ANKRD33B: variants seen among roughly 807,000 people sequenced by gnomAD.
ANKRD33B encodes ankyrin repeat domain-containing protein 33B.
Under a neutral mutation model 21.5 loss-of-function variants are expected in ANKRD33B, and 6 were observed. That is an observed-to-expected ratio of 0.28 (90% confidence interval 0.15 to 0.55). The LOEUF (loss-of-function observed/expected upper bound fraction) is 0.55, where lower values mean the gene tolerates loss of function less well. Ranked by LOEUF, ANKRD33B falls within the 20% of genes least tolerant of loss-of-function variation. The pLI is 0.94. For synonymous variants in ANKRD33B, 347 were observed against 342.4 expected (o/e 1.01, Z -0.15); for missense variants, 698 against 747.2 (o/e 0.93, Z 0.77).
chr5:10,632,141 G>A (rs1736734740), intron 2 of ANKRD33B, among the ~76,000 whole-genome samples: 1 of 151,966 alleles, frequency 6.6e-6, no homozygotes, highest in East Asian at 1.9e-4. Flanking sequence ...TCCGTTGGAT[G>A]GCTCAGGATT....
Position 10,638,141 on chromosome 5 carries a change from G to T in ANKRD33B, c.610G>T (p.Asp204Tyr). 1 of 1,537,392 alleles carries T rather than the reference G, an allele frequency of 6.5e-7. No individual in the cohort carries two copies. Among genetic ancestry groups the T allele is most frequent in the Non-Finnish European group, 8.7e-7 (1 of 1,146,918 alleles). The change falls in exon 3 of 4, where the codon GAC becomes TAC. Residue 204 changes from aspartate to tyrosine, a missense_variant. Transcript: ENST00000296657. ...LMKAAMQGRT[D>Y]CIRALMLAGA... ...GAAAGCCGCCATGCAGGGTCGAACG[G>T]ACTGCATCCGAGCCCTGATGCTAGC...
chr5:10,593,311 G>T (rs1735738503), intron 1 of ANKRD33B, among the ~76,000 whole-genome samples: 1 of 151,674 alleles, frequency 6.6e-6, no homozygotes, highest in South Asian at 2.1e-4. Flanking sequence ...TTTTTTTAAA[G>T]CATTAGCTAT....
At chr5:10,585,284 T>C (rs1179661283) in intron 1 of ANKRD33B, among the ~76,000 whole-genome samples, 1 of 152,222 alleles carries the variant, frequency 6.6e-6, no homozygotes, top group Non-Finnish European at 1.5e-5. Context: ...CTTACTTAGA[T>C]CAATGCCTTT....
chr5:10,578,578 G>A (rs2126550447), intron 1 of ANKRD33B, among the ~76,000 whole-genome samples: 1 of 152,244 alleles, frequency 6.6e-6, no homozygotes, highest in South Asian at 2.1e-4. Flanking sequence ...GATCAGAGAG[G>A]GCCCATGGGG....
In ANKRD33B at chr5:10,652,229, C is replaced by T. The variant is rs762145089; in HGVS notation, c.*2116C>T. ...GCCATGTGGTCTCCCAGGCACGCTTCTCAACACCGGCTACCCCTGCTGTGA... is the reference window on the plus strand; with the variant it reads ...GCCATGTGGTCTCCCAGGCACGCTTTTCAACACCGGCTACCCCTGCTGTGA... On this transcript the variant is annotated 3_prime_UTR_variant, in exon 4 of 4. Transcript: ENST00000296657. The surrounding 1 kb of genome is among the most constrained non-coding windows in gnomAD (Gnocchi z 4.1). 4.6e-5 allele frequency: 7 copies of T among 152,510 alleles called. No individual in the cohort carries two copies. The highest frequency in any genetic ancestry group is 1.0e-4 in the Non-Finnish European group (7 of 68,104). The allele number at this position is 152,510 out of a possible 1,614,324, so 9.4% of individuals were successfully genotyped here. A position where few individuals can be genotyped will look rare whatever the true frequency, so the allele number is the denominator to read the frequency against.
intron 1 of ANKRD33B, among the ~76,000 whole-genome samples, chr5:10,578,113 A>T (rs1735365278): frequency 6.6e-6 from 1 of 152,230 alleles, no homozygotes; most frequent in Non-Finnish European, 1.5e-5. Context: ...ACACACTGTG[A>T]TGGGTGGAAG....
intron 1 of ANKRD33B, among the ~76,000 whole-genome samples, chr5:10,575,978 T>TACACACAC (rs60058725): frequency 7.0e-4 from 105 of 150,068 alleles, no homozygotes; most frequent in African/African-American, 1.8e-3. Context: ...GATGGACGTA[T>TACACACAC]ACACACACAC....
At position 10,564,412 on chromosome 5, in the gene ANKRD33B, G is replaced by A; in HGVS notation, c.-56G>A. On this transcript the variant is annotated 5_prime_UTR_variant, in exon 1 of 4. Transcript: ENST00000296657. ...AAGCGGGGACCTCGGCGCGCGCCCC[G>A]CGTCCCGCTCTTCCTGCCCGCGCCC... is the stretch of plus-strand genomic sequence containing the variant. 1 of 1,012,996 alleles carries A rather than the reference G, an allele frequency of 9.9e-7. No homozygotes were observed. The highest frequency in any genetic ancestry group is 4.8e-4 in the Middle Eastern group (1 of 2,076). The allele number at this position is 1,012,996 out of a possible 1,614,324, so 62.8% of individuals were successfully genotyped here.
intron 1 of ANKRD33B, among the ~76,000 whole-genome samples, chr5:10,613,515 T>C (rs1047484989): frequency 1.3e-5 from 2 of 151,092 alleles, no homozygotes; most frequent in African/African-American, 4.9e-5. Flanking sequence ...GAGGATGTTA[T>C]TAATGTAAAC....
chr5:10,603,161 G>A (rs1395774735), intron 1 of ANKRD33B, among the ~76,000 whole-genome samples: 1 of 152,052 alleles, frequency 6.6e-6, no homozygotes, highest in Non-Finnish European at 1.5e-5. Flanking sequence ...AAGGATGGGA[G>A]GCAGCTTTCT....
Position 10,564,434 on chromosome 5 carries a change from G to GCCCCGGC in ANKRD33B, c.-24_-18dup. The GCCCCGGC allele has an allele frequency of 9.5e-7, 1 of 1,051,108 alleles. No individual in the cohort carries two copies. The highest frequency in any genetic ancestry group is 1.1e-6 in the Non-Finnish European group (1 of 874,154). The allele number at this position is 1,051,108 out of a possible 1,614,324, so 65.1% of individuals were successfully genotyped here. A position where few individuals can be genotyped will look rare whatever the true frequency, so the allele number is the denominator to read the frequency against. ...CCCGCGTCCCGCTCTTCCTGCCCGC[G>GCCCCGGC]CCCCGGCCCCCGGCCCGCGCCCCGG... On this transcript the variant is annotated 5_prime_UTR_variant, in exon 1 of 4. Coordinates refer to ENST00000296657, the MANE Select transcript of ANKRD33B (RefSeq NM_001164440.2).
At chr5:10,613,099 G>A (rs528781202) in intron 1 of ANKRD33B, among the ~76,000 whole-genome samples, 2 of 152,200 alleles carry the variant, frequency 1.3e-5, no homozygotes, top group Admixed American at 6.5e-5. Context: ...TAGGCCCCAC[G>A]TGGCTCTGGG....
At chr5:10,583,637 A>T (rs540714421) in intron 1 of ANKRD33B, among the ~76,000 whole-genome samples, 1 of 152,270 alleles carries the variant, frequency 6.6e-6, no homozygotes, top group South Asian at 2.1e-4. Flanking sequence ...ACCTGGAAGG[A>T]TCTGTGGTAT....
intron 1 of ANKRD33B, among the ~76,000 whole-genome samples, chr5:10,596,888 A>G (rs1735830177): frequency 2.6e-5 from 4 of 152,144 alleles, no homozygotes; most frequent in Admixed American, 6.5e-5. Context: ...TTGGGGGACA[A>G]TATTCAACAT....
Position 10,637,733 on chromosome 5 carries a change from C to T in ANKRD33B, c.497-295C>T, listed in dbSNP as rs143548636. ...TCCCTACCTGCCCGCAGCGTCCCTG[C>T]CCCCCACATCCACCCCCAGTAGTGT... On this transcript the variant is annotated intron_variant, in intron 2 of 3. Coordinates refer to ENST00000296657, the MANE Select transcript of ANKRD33B (RefSeq NM_001164440.2). Among the ~76,000 whole-genome samples, 410 of 152,168 alleles carry T rather than the reference C, an allele frequency of 2.7e-3. 1 individual carries two copies. Among genetic ancestry groups the T allele is most frequent in the African/African-American group, 9.2e-3 (380 of 41,522 alleles).
chr5:10,616,638 CCT>C (rs1736290426), intron 1 of ANKRD33B, among the ~76,000 whole-genome samples: 1 of 150,608 alleles, frequency 6.6e-6, no homozygotes, highest in African/African-American at 2.4e-5. Context: ...AAACTTTGTG[CCT>C]CTCATGCAGT....
At position 10,638,038 on chromosome 5, in the gene ANKRD33B, C is replaced by T. The variant is rs1010319870; in HGVS notation, c.507C>T (p.Ile169=). ...LITAAQAGHA[I]ITNYLLNYFP... is the part of the protein sequence containing the mutation. The stretch of plus-strand genomic sequence containing the variant: ...CACTTCTCTTTACAGGGCACGCTAT[C>T]ATCACTAACTACTTGTTGAACTATT... Residue 169 remains isoleucine (I), a synonymous_variant, in exon 3 of 4, where the codon ATC becomes ATT. Transcript: ENST00000296657. The T allele has an allele frequency of 1.3e-6, 2 of 1,537,638 alleles. No homozygotes were observed. Among genetic ancestry groups the T allele is most frequent in the Non-Finnish European group, 1.7e-6 (2 of 1,146,958 alleles).
At chr5:10,582,991 T>C (rs1410926222) in intron 1 of ANKRD33B, among the ~76,000 whole-genome samples, 1 of 33,938 alleles carries the variant, frequency 2.9e-5, no homozygotes, top group African/African-American at 4.0e-4. Context: ...TGTCCCTGCT[T>C]TTTTTTTTTT....
chr5:10,576,026 ATAAGC>A lies in ANKRD33B; in HGVS notation c.366+11195_366+11199del, dbSNP rs1365112291. 6.6e-6 allele frequency among the ~76,000 whole-genome samples: 1 copy of A among 152,184 alleles called. No homozygotes were observed. Among genetic ancestry groups the A allele is most frequent in the African/African-American group, 2.4e-5 (1 of 41,442 alleles). On this transcript the variant is annotated intron_variant, in intron 1 of 3. Transcript: ENST00000296657. This position sits in a 1 kb window ranked among gnomAD's most constrained non-coding sequence, Gnocchi z 4.1. ...TTGTGTGCATACAGGTGCAATCTGA[ATAAGC>A]TGCATGGATTCCAGCAATGTCAAGT...
Sources: gnomAD v4.1 joint callset for allele counts (sites outside exome capture counted in the v4.1 genomes callset) on GRCh38, gnomAD v4.1.1 for gene constraint, Gnocchi (gnomAD v3.1) non-coding constraint, MANE v1.5 for transcripts, NCBI Gene and HGNC (gene_info 2026-07-23, HGNC 2026-07-21) for gene names.